FAM78B: variants seen among roughly 807,000 people sequenced by gnomAD.
FAM78B encodes family with sequence similarity 78 member B.
In FAM78B, 10 loss-of-function variants were observed where a neutral mutation model predicts 20.0. The ratio of observed to expected loss-of-function variants is 0.50; its 90% CI spans 0.31 to 0.85. The LOEUF (loss-of-function observed/expected upper bound fraction) is 0.85. Among genes scored for constraint, FAM78B ranks in the 40% least tolerant of loss-of-function variants. FAM78B has a pLI of 0.05. For synonymous variants in FAM78B, 135 were observed against 132.8 expected, an observed-to-expected ratio of 1.02 and a Z score of -0.12; for missense variants, 283 against 345.0, an observed-to-expected ratio of 0.82 and a Z score of 1.42.
chr1:166,090,017 G>A (rs1255405578), intron 1 of FAM78B, among the ~76,000 whole-genome samples: 2 of 152,178 alleles, frequency 1.3e-5, no homozygotes, highest in Non-Finnish European at 2.9e-5. Context: ...GCAGAGGCAG[G>A]GGAGGATCGA....
Position 166,158,218 on chromosome 1 carries a change from G to A in FAM78B, c.263+7768C>T, listed in dbSNP as rs1435815299. Reference sequence around the variant, plus strand: ...TACATGACTGTGGTCCCAACTACTCGGGAGGCTGAGGTGGGAGAATCACTT... The same window carrying A: ...TACATGACTGTGGTCCCAACTACTCAGGAGGCTGAGGTGGGAGAATCACTT... On this transcript the variant is annotated intron_variant, in intron 1 of 1. Transcript: ENST00000354422. Among the ~76,000 whole-genome samples the A allele has an allele frequency of 4.6e-5, 7 of 152,256 alleles. No individual in the cohort carries two copies. In the East Asian group the frequency reaches 5.8e-4, roughly 13 times the overall value.
At chr1:166,132,093 G>GTT (rs1261392192) in intron 1 of FAM78B, among the ~76,000 whole-genome samples, 3 of 152,206 alleles carry the variant, frequency 2.0e-5, no homozygotes, top group Non-Finnish European at 4.4e-5. Flanking sequence ...TACCTCTACA[G>GTT]TAAGAGCAAC....
At chr1:166,143,858 A>C (rs1438407049) in intron 1 of FAM78B, among the ~76,000 whole-genome samples, 1 of 152,188 alleles carries the variant, frequency 6.6e-6, no homozygotes, top group East Asian at 1.9e-4. Context: ...CTTCGCATGG[A>C]GCAACTCTTT....
Position 166,166,226 on chromosome 1 carries a change from G to A in FAM78B, c.23C>T (p.Thr8Ile). 5 of 1,541,234 alleles carry A rather than the reference G, an allele frequency of 3.2e-6. No homozygotes were observed. The highest frequency in any genetic ancestry group is 4.4e-6 in the Non-Finnish European group (5 of 1,141,882). Residue 8 changes from threonine to isoleucine, a missense_variant, in exon 1 of 2, where the codon ACC (threonine) becomes ATC (isoleucine). By Grantham distance (89) the Thr-to-Ile change is moderately conservative (BLOSUM62 -1). Transcript: ENST00000354422. MGCIQSITCKARIRRENI... is the reference protein window; with the variant it reads MGCIQSIICKARIRRENI... ...CTCGCGCCGGATCCGCGCCTTGCAG[G>A]TGATGCTTTGGATACAGCCCATCCT... is the stretch of plus-strand genomic sequence containing the variant.
At chr1:166,118,178 AC>A (rs1654328245) in intron 1 of FAM78B, among the ~76,000 whole-genome samples, 1 of 152,238 alleles carries the variant, frequency 6.6e-6, no homozygotes, top group African/African-American at 2.4e-5. Flanking sequence ...GAACCTGCTC[AC>A]AGACAGGAGC....
At chr1:166,073,357 G>A (rs140540011) in intron 1 of FAM78B, among the ~76,000 whole-genome samples, 13 of 152,218 alleles carry the variant, frequency 8.5e-5, no homozygotes, top group African/African-American at 3.1e-4. Context: ...ATTAAGGGAT[G>A]GTTTGATTTT....
At position 166,109,868 on chromosome 1, in the gene FAM78B, G is replaced by GTATATATATATA. The variant is rs1167115543; in HGVS notation, c.264-39117_264-39106dup. Among the ~76,000 whole-genome samples, 41 of 8,528 alleles carry GTATATATATATA rather than the reference G, an allele frequency of 4.8e-3. 2 individuals are homozygous for GTATATATATATA. The highest frequency in any genetic ancestry group is 8.8e-3 in the Non-Finnish European group (28 of 3,168). 5.6% of individuals were successfully genotyped at this position (8,528 alleles called of 152,430 possible). ...TATATATATATATATATATGTATGTGTATATATATATATGTATATATGTAT... is the reference window on the plus strand; with the variant it reads ...TATATATATATATATATATGTATGTGTATATATATATATATATATATATATGTATATATGTAT... On this transcript the variant is annotated intron_variant, in intron 1 of 1. Transcript: ENST00000354422.
At chr1:166,105,343 A>T (rs928445358) in intron 1 of FAM78B, among the ~76,000 whole-genome samples, 4 of 152,094 alleles carry the variant, frequency 2.6e-5, no homozygotes, top group African/African-American at 7.2e-5. Context: ...ACAAAAGCCA[A>T]AATTGACAAA....
intron 2 of FAM78B, among the ~76,000 whole-genome samples, chr1:166,061,823 G>A (rs1276562596): frequency 6.6e-6 from 1 of 152,206 alleles, no homozygotes; most frequent in East Asian, 1.9e-4. Context: ...AGACACAGCA[G>A]GGATAGAGGG....
chr1:166,100,887 C>G (rs1420089009), intron 1 of FAM78B, among the ~76,000 whole-genome samples: 1 of 152,258 alleles, frequency 6.6e-6, no homozygotes, highest in African/African-American at 2.4e-5. Flanking sequence ...AATGGACAGA[C>G]TGCCTCCTCA....
chr1:166,064,360 C>G (rs1651720306), downstream of FAM78B, among the ~76,000 whole-genome samples: 2 of 152,116 alleles, frequency 1.3e-5, no homozygotes, highest in African/African-American at 4.8e-5. Context: ...TCCTCTGAAT[C>G]TCTTGTCTGA....
intron 1 of FAM78B, among the ~76,000 whole-genome samples, chr1:166,084,233 A>ACTCTCT (rs1652707936): frequency 2.4e-5 from 3 of 123,552 alleles, no homozygotes; most frequent in Non-Finnish European, 5.4e-5. Flanking sequence ...ACACACACAC[A>ACTCTCT]CACACTCTCT....
At chr1:166,157,372 T>C (rs1208580554) in intron 1 of FAM78B, among the ~76,000 whole-genome samples, 1 of 151,230 alleles carries the variant, frequency 6.6e-6, no homozygotes, top group African/African-American at 2.4e-5. Context: ...TTACTGTCCA[T>C]TTATGTACAG....
chr1:166,107,389 T>G (rs986135439), intron 1 of FAM78B, among the ~76,000 whole-genome samples: 1 of 151,976 alleles, frequency 6.6e-6, no homozygotes, highest in African/African-American at 2.4e-5. Context: ...GCACATAAAC[T>G]AGAAAATCTG....
chr1:166,080,941 A>G (rs1224477286), intron 1 of FAM78B, among the ~76,000 whole-genome samples: 1 of 152,242 alleles, frequency 6.6e-6, no homozygotes. Flanking sequence ...CTGGCCCCTG[A>G]GACCAATTTC....
chr1:166,143,597 T>C (rs1203915486), intron 1 of FAM78B, among the ~76,000 whole-genome samples: 1 of 152,102 alleles, frequency 6.6e-6, no homozygotes, highest in Non-Finnish European at 1.5e-5. Context: ...CTGAGTTGCC[T>C]ACTCGGGCTG....
At chr1:166,117,352 CTCT>C (rs1162793862) in intron 1 of FAM78B, among the ~76,000 whole-genome samples, 2 of 152,076 alleles carry the variant, frequency 1.3e-5, no homozygotes, top group African/African-American at 4.8e-5. Flanking sequence ...CACACTTTTT[CTCT>C]TTTTTTCTTT....
chr1:166,084,237 A>ACACACACACACACACACACTCT (rs771421402), intron 1 of FAM78B, among the ~76,000 whole-genome samples: 16 of 125,474 alleles, frequency 1.3e-4, no homozygotes, highest in African/African-American at 4.4e-4. Flanking sequence ...ACACACACAC[A>ACACACACACACACACACACTCT]CTCTCTCTCT....
rs539050192 is a variant in FAM78B at position 166,139,236 on chromosome 1, T to C, written c.263+26750A>G. Among the ~76,000 whole-genome samples, 30 of 152,306 alleles carry C rather than the reference T, an allele frequency of 2.0e-4. No homozygotes were observed. In the South Asian group the frequency reaches 6.2e-3, roughly 32 times the overall value. On this transcript the variant is annotated intron_variant, in intron 1 of 1. Transcript: ENST00000354422. ...AGATGAGCCAACATAAGAAACTTTGTAGGCAAAACAAATCCCAGACCAATA... is the reference window on the plus strand; with the variant it reads ...AGATGAGCCAACATAAGAAACTTTGCAGGCAAAACAAATCCCAGACCAATA...
Sources: gnomAD v4.1 joint callset for allele counts (sites outside exome capture counted in the v4.1 genomes callset) on GRCh38, gnomAD v4.1.1 for gene constraint, MANE v1.5 for transcripts, NCBI Gene and HGNC (gene_info 2026-07-23, HGNC 2026-07-21) for gene names.